VRK1: variants seen among roughly 807,000 people sequenced by gnomAD.
VRK1 encodes VRK serine/threonine kinase 1.
In VRK1, 33 loss-of-function variants were observed where a neutral mutation model predicts 57.1. The observed-to-expected ratio is 0.58, with a 90% confidence interval of 0.44 to 0.77. The LOEUF (loss-of-function observed/expected upper bound fraction) is 0.77, where lower values mean the gene tolerates loss of function less well. Among genes scored for constraint, VRK1 ranks in the 30% least tolerant of loss-of-function variants. The probability of loss-of-function intolerance (pLI) is 0.00; values close to 1 mark genes in which losing one functional copy is unlikely to be tolerated. For missense variants in VRK1, 413 were observed against 477.3 expected, an observed-to-expected ratio of 0.87 and a Z score of 1.25; for synonymous variants, 137 against 147.8, an observed-to-expected ratio of 0.93 and a Z score of 0.53.
intron 5 of VRK1, among the ~76,000 whole-genome samples, chr14:96,848,677 G>A (rs910343270): frequency 1.3e-5 from 2 of 152,156 alleles, no homozygotes; most frequent in African/African-American, 4.8e-5. Flanking sequence ...TAAGAGCAAG[G>A]ATTCTAGAGC....
chr14:96,810,766 G>C (rs1886159837), intron 1 of VRK1, among the ~76,000 whole-genome samples: 1 of 152,102 alleles, frequency 6.6e-6, no homozygotes, highest in Non-Finnish European at 1.5e-5. Flanking sequence ...TAGTTGTATT[G>C]AGGCTTGTTA....
intron 11 of VRK1, 105 bp from the exon 12 acceptor site, chr14:96,875,925 C>T (rs1889009491): frequency 1.6e-6 from 2 of 1,216,168 alleles, no homozygotes; most frequent in African/African-American, 3.0e-5. Flanking sequence ...TTGACACACC[C>T]ACACCTATAT....
In VRK1 at chr14:96,879,375, G is replaced by A. The variant is rs1244326359; in HGVS notation, c.1160-1802G>A. 2.0e-5 allele frequency among the ~76,000 whole-genome samples: 3 copies of A among 152,220 alleles called. No individual in the cohort carries two copies. The East Asian group carries it at 5.8e-4, about 29-fold the overall frequency. ...GTAGTAGCCCTTTTAGTTGCAGTGA[G>A]AAACTTTGGATTGAAGGAGATGAGC... On this transcript the variant is annotated intron_variant, in intron 12 of 12. Transcript: ENST00000216639.
intron 11 of VRK1, among the ~76,000 whole-genome samples, chr14:96,864,034 G>A (rs900254556): frequency 6.6e-6 from 1 of 152,156 alleles, no homozygotes; most frequent in African/African-American, 2.4e-5. Context: ...GCCTGATACG[G>A]TAATAAAGAT....
In VRK1 at chr14:96,808,960, C is replaced by G. The variant is rs533082121; in HGVS notation, c.-6+11513C>G. Among the ~76,000 whole-genome samples, 80 of 152,260 alleles carry G rather than the reference C, an allele frequency of 5.3e-4. 1 individual carries two copies. The highest frequency in any genetic ancestry group is 1.0e-3 in the Admixed American group (16 of 15,298). ...AATCATTTAGAGGCTTCTCCACTTT[C>G]CTGTATGGTACCTTGACTAGAACGT... On this transcript the variant is annotated intron_variant, in intron 1 of 12. Coordinates refer to ENST00000216639, the MANE Select transcript of VRK1 (RefSeq NM_003384.3).
Position 96,881,371 on chromosome 14 carries a change from G to A in VRK1, c.*163G>A. ...TAAACTTTTTTTATAAAAATATTTT[G>A]TACAATTCATTAAAGGCTAATTTAT... On this transcript the variant is annotated 3_prime_UTR_variant, in exon 13 of 13. Transcript: ENST00000216639. 1.6e-6 allele frequency: 1 copy of A among 643,910 alleles called. No homozygotes were observed. The highest frequency in any genetic ancestry group is 2.6e-6 in the Non-Finnish European group (1 of 391,362). The allele number at this position is 643,910 out of a possible 1,614,324, so 39.9% of individuals were successfully genotyped here.
At position 96,837,798 on chromosome 14, in the gene VRK1, C is replaced by A; in HGVS notation, c.197C>A (p.Ala66Glu). 6.4e-7 allele frequency: 1 copy of A among 1,558,744 alleles called. No homozygotes were observed. The highest frequency in any genetic ancestry group is 8.7e-7 in the Non-Finnish European group (1 of 1,151,648). The change falls in exon 3 of 13, where the codon GCA (alanine) becomes GAA (glutamate). Residue 66 changes from alanine to glutamate, a missense_variant. Transcript: ENST00000216639. ...TCTTCAGAGTCAGTTGGCAGTGATG[C>A]ACCTTGTGTTGTAAAAGTGGTAAGA... is the stretch of plus-strand genomic sequence containing the variant. ...MNSSESVGSD[A>E]PCVVKVEPSD... is the part of the protein sequence containing the mutation.
At chr14:96,814,619 C>T (rs1055504280) in intron 1 of VRK1, among the ~76,000 whole-genome samples, 1 of 152,156 alleles carries the variant, frequency 6.6e-6, no homozygotes, top group African/African-American at 2.4e-5. Flanking sequence ...ATTATATAGC[C>T]TCCTAGTAAT....
intron 1 of VRK1, among the ~76,000 whole-genome samples, chr14:96,830,333 GT>G: frequency 6.6e-6 from 1 of 151,408 alleles, no homozygotes; most frequent in Middle Eastern, 3.4e-3. Flanking sequence ...ATGTATGTTG[GT>G]TTTTTTGTGT....
At chr14:96,826,985 C>A (rs547930863) in intron 1 of VRK1, among the ~76,000 whole-genome samples, 51 of 152,250 alleles carry the variant, frequency 3.3e-4, no homozygotes, top group African/African-American at 1.1e-3. Flanking sequence ...TGAAAGGGAA[C>A]CTGAGACACA....
In VRK1 at chr14:96,855,280, A is replaced by C. The variant is rs1661954168; in HGVS notation, c.633A>C (p.Lys211Asn). 1 of 1,614,140 alleles carries C rather than the reference A, an allele frequency of 6.2e-7. No homozygotes were observed. Among genetic ancestry groups the C allele is most frequent in the African/African-American group, 1.3e-5 (1 of 75,062 alleles). ...GGTACTGCCCAGAAGGAGTTCATAA[A>C]GAATACAAAGAAGACCCCAAAAGAT... is the stretch of plus-strand genomic sequence containing the variant. ...AYRYCPEGVH[K>N]EYKEDPKRCH... Residue 211 changes from lysine (K) to asparagine (N), a missense_variant, in exon 8 of 13, where the codon AAA becomes AAC. Coordinates refer to ENST00000216639, the MANE Select transcript of VRK1 (RefSeq NM_003384.3).
At chr14:96,859,227 C>T (rs1346925617) in intron 10 of VRK1, among the ~76,000 whole-genome samples, 1 of 151,918 alleles carries the variant, frequency 6.6e-6, no homozygotes, top group Non-Finnish European at 1.5e-5. Context: ...ATTTACCTTG[C>T]ATTTTACGAC....
chr14:96,808,820 A>G (rs562325467), intron 1 of VRK1, among the ~76,000 whole-genome samples: 6 of 152,346 alleles, frequency 3.9e-5, no homozygotes, highest in Admixed American at 3.3e-4. Flanking sequence ...TGCGTAACAC[A>G]CCACTCCAAA....
At chr14:96,864,904 C>A in intron 11 of VRK1, among the ~76,000 whole-genome samples, 1 of 147,024 alleles carries the variant, frequency 6.8e-6, no homozygotes, top group African/African-American at 2.5e-5. Context: ...AAGTACATTT[C>A]AAATCGTTTG....
chr14:96,873,677 A>G (rs933646545), intron 11 of VRK1, among the ~76,000 whole-genome samples: 3 of 152,224 alleles, frequency 2.0e-5, no homozygotes, highest in Non-Finnish European at 4.4e-5. Context: ...GACAAATAAC[A>G]AAATGAAGCA....
chr14:96,856,461 A>G (rs1186484546), intron 9 of VRK1, 67 bp from the exon 10 acceptor site: 20 of 1,431,916 alleles, frequency 1.4e-5, no homozygotes, highest in East Asian at 2.4e-5. Flanking sequence ...TTAATGTGCT[A>G]TATATTTTTA....
chr14:96,804,140 A>G (rs1885777812), intron 1 of VRK1, among the ~76,000 whole-genome samples: 1 of 152,070 alleles, frequency 6.6e-6, no homozygotes, highest in Admixed American at 6.5e-5. Flanking sequence ...TTTTACCCTT[A>G]TATGTCTTAC....
chr14:96,851,475 C>T (rs1296982604), intron 5 of VRK1, among the ~76,000 whole-genome samples: 2 of 152,118 alleles, frequency 1.3e-5, no homozygotes, highest in African/African-American at 2.4e-5. Flanking sequence ...GGACAAATCA[C>T]TTTACCTCCA....
intron 2 of VRK1, among the ~76,000 whole-genome samples, chr14:96,835,531 A>T (rs1412599829): frequency 6.6e-6 from 1 of 151,994 alleles, no homozygotes; most frequent in Non-Finnish European, 1.5e-5. Context: ...GTAGCCTAGG[A>T]CTTGATTTCC....
Sources: allele counts gnomAD v4.1 joint callset (sites outside exome capture counted in the v4.1 genomes callset), GRCh38; gene constraint gnomAD v4.1.1; transcripts MANE v1.5; gene names NCBI Gene and HGNC (gene_info 2026-07-23, HGNC 2026-07-21).